Variants in CDH20 observed in about 807,000 individuals in gnomAD.
CDH20 encodes the protein cadherin-20.
A neutral mutation model predicts 74.2 loss-of-function variants in CDH20; 29 were observed. That is an observed-to-expected ratio of 0.39 (90% CI 0.29 to 0.53). CDH20 has a LOEUF of 0.53. CDH20 is among the 20% of genes least tolerant of loss of function. The pLI is 0.69. For synonymous variants in CDH20, 469 were observed against 405.4 expected, an observed-to-expected ratio of 1.16 and a Z score of -1.88; for missense variants, 988 against 1,048.3, an observed-to-expected ratio of 0.94 and a Z score of 0.79.
At chr18:61,504,380 G>A (rs1911487246) in intron 5 of CDH20, among the ~76,000 whole-genome samples, 2 of 152,168 alleles carry the variant, frequency 1.3e-5, no homozygotes, top group South Asian at 2.1e-4. Flanking sequence ...ATGGCAGAGG[G>A]TGGAGTCAAA....
intron 1 of CDH20, among the ~76,000 whole-genome samples, chr18:61,389,961 A>G (rs1174167938): frequency 5.3e-5 from 8 of 152,134 alleles, no homozygotes; most frequent in Non-Finnish European, 1.0e-4. Context: ...AGTAACAGTC[A>G]TCTTAAAAAT....
intron 1 of CDH20, among the ~76,000 whole-genome samples, chr18:61,417,248 G>C (rs1396243339): frequency 6.6e-6 from 1 of 151,922 alleles, no homozygotes; most frequent in African/African-American, 2.4e-5. Flanking sequence ...AAAAGACTTT[G>C]GTGCTAAATC....
intron 1 of CDH20, among the ~76,000 whole-genome samples, chr18:61,366,721 CCTTCCCT>C (rs1910875191): frequency 6.6e-6 from 1 of 151,894 alleles, no homozygotes; most frequent in African/African-American, 2.4e-5. Flanking sequence ...TAATGTTGCC[CCTTCCCT>C]CTTCCCTCAC....
chr18:61,551,834 G>A (rs1539997), intron 11 of CDH20, among the ~76,000 whole-genome samples: 119,969 of 152,090 alleles, frequency 0.79, 47,494 homozygotes, highest in East Asian at 0.9. Context: ...TTAAAAGTTC[G>A]CCCTGGCCCA....
At chr18:61,552,687 T>C (rs1005339738) in intron 11 of CDH20, among the ~76,000 whole-genome samples, 1 of 152,230 alleles carries the variant, frequency 6.6e-6, no homozygotes, top group Non-Finnish European at 1.5e-5. Context: ...GCATTAATTA[T>C]CAGCATCCAT....
chr18:61,352,464 T>C (rs1910336437), intron 1 of CDH20, among the ~76,000 whole-genome samples: 1 of 152,220 alleles, frequency 6.6e-6, no homozygotes, highest in South Asian at 2.1e-4. Flanking sequence ...TAACTATTTG[T>C]GGCTGGTATT....
chr18:61,359,686 A>G (rs1910624246), intron 1 of CDH20, among the ~76,000 whole-genome samples: 1 of 152,238 alleles, frequency 6.6e-6, no homozygotes, highest in Non-Finnish European at 1.5e-5. Context: ...ATTTCTAAAG[A>G]GTCAAGAGCA....
chr18:61,381,381 A>G (rs945048814), intron 1 of CDH20, among the ~76,000 whole-genome samples: 52 of 152,238 alleles, frequency 3.4e-4, no homozygotes, highest in African/African-American at 1.2e-3. Context: ...AATAATACAA[A>G]AAGTAATGTT....
In CDH20 at chr18:61,555,706, T is replaced by G. The variant is rs1913605623; in HGVS notation, c.*1011T>G. ...CAAGTTTTGTATATTTGTTAATAAT[T>G]TTGGTAATAAATATGATGTACTGCA... On this transcript the variant is annotated 3_prime_UTR_variant, in exon 12 of 12. Transcript: ENST00000262717. 1.0e-6 allele frequency: 1 copy of G among 961,264 alleles called. No individual in the cohort carries two copies. Among genetic ancestry groups the G allele is most frequent in the Admixed American group, 6.2e-5 (1 of 16,226 alleles). 59.5% of individuals were successfully genotyped at this position (961,264 alleles called of 1,614,324 possible). A position where few individuals can be genotyped will look rare whatever the true frequency, so the allele number is the denominator to read the frequency against.
intron 1 of CDH20, among the ~76,000 whole-genome samples, chr18:61,383,335 C>T (rs1268034458): frequency 2.0e-5 from 3 of 152,088 alleles, no homozygotes; most frequent in Non-Finnish European, 2.9e-5. Flanking sequence ...AATCTCAGCA[C>T]TTTGGGAGGC....
intron 1 of CDH20, among the ~76,000 whole-genome samples, chr18:61,469,831 A>C (rs1440623371): frequency 6.6e-6 from 1 of 152,240 alleles, no homozygotes; most frequent in African/African-American, 2.4e-5. Context: ...ACATACACAC[A>C]TGCTTACTAC....
At position 61,499,247 on chromosome 18, in the gene CDH20, C is replaced by T; in HGVS notation, c.308C>T (p.Ala103Val). The change falls in exon 3 of 12, where the codon GCT (alanine) becomes GTT (valine). Residue 103 changes from alanine (A) to valine (V), a missense_variant. By Grantham distance (64) the Ala-to-Val change is moderately conservative (BLOSUM62 0). This residue lies in a region of CDH20 where 613 missense variants were observed against 755.2 expected (regional missense o/e 0.81). Transcript: ENST00000262717. ...SIKYILSGEG[A>V]GIVFTIDDTT... is the part of the protein sequence containing the mutation. ...AAATACATCCTCTCGGGAGAAGGTG[C>T]TGGCATCGTGTTTACCATCGACGAC... 2 of 1,612,878 alleles carry T rather than the reference C, an allele frequency of 1.2e-6. No individual in the cohort carries two copies. Among genetic ancestry groups the T allele is most frequent in the Non-Finnish European group, 1.7e-6 (2 of 1,179,208 alleles).
At chr18:61,412,267 TA>T (rs1912537690) in intron 1 of CDH20, among the ~76,000 whole-genome samples, 1 of 152,268 alleles carries the variant, frequency 6.6e-6, no homozygotes, top group South Asian at 2.1e-4. Flanking sequence ...TTACCAGTTT[TA>T]AAAAGTATTA....
intron 1 of CDH20, among the ~76,000 whole-genome samples, chr18:61,397,914 C>A (rs1006946565): frequency 6.6e-6 from 1 of 152,088 alleles, no homozygotes; most frequent in Non-Finnish European, 1.5e-5. Flanking sequence ...ATGCCTTAAT[C>A]GTAAGAGATG....
intron 5 of CDH20, among the ~76,000 whole-genome samples, chr18:61,506,613 A>G (rs1362535367): frequency 6.6e-6 from 1 of 152,250 alleles, no homozygotes; most frequent in Non-Finnish European, 1.5e-5. Flanking sequence ...TAAGTTGGTA[A>G]AAATACGAAT....
At chr18:61,538,608 G>GTTTGTT (rs1912904242) in intron 8 of CDH20, among the ~76,000 whole-genome samples, 1 of 36,318 alleles carries the variant, frequency 2.8e-5, no homozygotes, top group Non-Finnish European at 6.0e-5. Context: ...TTTTGTTTTT[G>GTTTGTT]TTTTTGTTTT....
chr18:61,422,386 T>C (rs772846992), intron 1 of CDH20, among the ~76,000 whole-genome samples: 4 of 152,132 alleles, frequency 2.6e-5, no homozygotes, highest in Admixed American at 6.5e-5. Context: ...TAAATTAAAT[T>C]AGAAATTAGT....
chr18:61,397,229 C>T (rs1278249189), intron 1 of CDH20, among the ~76,000 whole-genome samples: 1 of 152,110 alleles, frequency 6.6e-6, no homozygotes, highest in Non-Finnish European at 1.5e-5. Flanking sequence ...CTCCTTACTC[C>T]CCTTCCATCT....
intron 7 of CDH20, among the ~76,000 whole-genome samples, chr18:61,531,493 A>G (rs1327979704): frequency 6.6e-6 from 1 of 152,230 alleles, no homozygotes; most frequent in Non-Finnish European, 1.5e-5. Context: ...TTTATTTTAT[A>G]TTAGAGAAAA....
Sources: allele counts gnomAD v4.1 joint callset (sites outside exome capture counted in the v4.1 genomes callset), GRCh38; gene constraint gnomAD v4.1.1; regional missense constraint gnomAD v4.1.1; transcripts MANE v1.5; gene names NCBI Gene and HGNC (gene_info 2026-07-23, HGNC 2026-07-21).